Variants in UNC5B observed in about 807,000 individuals in gnomAD.
UNC5B encodes netrin receptor UNC5B.
A neutral mutation model predicts 103.7 loss-of-function variants in UNC5B; 56 were observed. The observed-to-expected ratio is 0.54, with a 90% CI of 0.44 to 0.67. The LOEUF is 0.67. UNC5B is among the 30% of genes least tolerant of loss of function. The pLI is 0.00. For missense variants in UNC5B, 1,194 were observed against 1,284.5 expected (o/e 0.93, Z 1.08); for synonymous variants, 577 against 542.0 (o/e 1.06, Z -0.90).
intron 1 of UNC5B, among the ~76,000 whole-genome samples, chr10:71,256,290 G>T (rs1395862389): frequency 6.6e-6 from 1 of 152,188 alleles, no homozygotes; most frequent in Admixed American, 6.5e-5. Context: ...CCTGGCCCCA[G>T]CTCCTCCAGG....
intron 1 of UNC5B, among the ~76,000 whole-genome samples, chr10:71,266,686 G>A (rs961762554): frequency 1.3e-5 from 2 of 152,184 alleles, no homozygotes; most frequent in South Asian, 2.1e-4. Context: ...TGTGGGGCTC[G>A]CCGGGACCCT....
At chr10:71,278,353 C>G (rs1459921128) in intron 1 of UNC5B, among the ~76,000 whole-genome samples, 1 of 152,178 alleles carries the variant, frequency 6.6e-6, no homozygotes, top group East Asian at 1.9e-4. Flanking sequence ...ACCTCTTGTG[C>G]TCATCAGACA....
chr10:71,267,100 C>T (rs1002781761), intron 1 of UNC5B, among the ~76,000 whole-genome samples: 1 of 152,162 alleles, frequency 6.6e-6, no homozygotes, highest in African/African-American at 2.4e-5. Context: ...GATACGGGGA[C>T]TCCTGTAATA....
At position 71,287,424 on chromosome 10, in the gene UNC5B, C is replaced by T. The variant is rs151211976; in HGVS notation, c.734-174C>T. On this transcript the variant is annotated intron_variant, in intron 5 of 16. Transcript: ENST00000335350. ...CTTCCCGGATCCCCTCTGGTGCTGA[C>T]GGTTACAGCCCAGCTCTATCTGCCA... Among the ~76,000 whole-genome samples the T allele has an allele frequency of 5.5e-3, 831 of 152,274 alleles. 5 individuals are homozygous for T. The highest frequency in any genetic ancestry group is 0.048 in the Middle Eastern group (14 of 294).
chr10:71,268,166 C>A (rs1320428595), intron 1 of UNC5B, among the ~76,000 whole-genome samples: 1 of 152,230 alleles, frequency 6.6e-6, no homozygotes, highest in Non-Finnish European at 1.5e-5. Flanking sequence ...TACCCAGTTC[C>A]AAGGACCCCT....
chr10:71,264,927 A>T (rs551345595), intron 1 of UNC5B, among the ~76,000 whole-genome samples: 2 of 146,402 alleles, frequency 1.4e-5, no homozygotes, highest in Non-Finnish European at 1.5e-5. Flanking sequence ...GGAGCCCAGG[A>T]GTTTGGGACC....
At chr10:71,292,814 AAAAGT>A (rs1436044159) in intron 11 of UNC5B, among the ~76,000 whole-genome samples, 2 of 152,370 alleles carry the variant, frequency 1.3e-5, no homozygotes, top group African/African-American at 2.4e-5. Flanking sequence ...ATCAATAAGA[AAAAGT>A]AAACATCTCA....
chr10:71,226,944 G>A (rs1843576384), intron 1 of UNC5B, among the ~76,000 whole-genome samples: 1 of 151,538 alleles, frequency 6.6e-6, no homozygotes, highest in South Asian at 2.1e-4. Context: ...TGAAATAATG[G>A]CATTCACAGC....
At chr10:71,217,498 G>C (rs895423003) in intron 1 of UNC5B, 2 of 152,196 alleles carry the variant, frequency 1.3e-5, no homozygotes, top group African/African-American at 4.8e-5. Flanking sequence ...CTCGGCCCCC[G>C]ACTGGGAGTT....
chr10:71,237,124 G>C (rs1843790036), intron 1 of UNC5B, among the ~76,000 whole-genome samples: 1 of 152,132 alleles, frequency 6.6e-6, no homozygotes, highest in Non-Finnish European at 1.5e-5. Flanking sequence ...TCCCAGGCTG[G>C]GTGTGGAATA....
chr10:71,279,057 G>A (rs879704707), intron 1 of UNC5B, among the ~76,000 whole-genome samples: 4 of 152,182 alleles, frequency 2.6e-5, no homozygotes, highest in Non-Finnish European at 5.9e-5. Context: ...TGTGGGAGGA[G>A]ACTGCCACAG....
At chr10:71,245,188 T>C (rs1317314100) in intron 1 of UNC5B, among the ~76,000 whole-genome samples, 1 of 152,206 alleles carries the variant, frequency 6.6e-6, no homozygotes, top group African/African-American at 2.4e-5. Flanking sequence ...GCTCTCTCCA[T>C]AACACCATCT....
chr10:71,225,268 CG>C (rs1198025154), intron 1 of UNC5B, among the ~76,000 whole-genome samples: 2 of 136,982 alleles, frequency 1.5e-5, no homozygotes, highest in African/African-American at 5.7e-5. Context: ...TCCAAACCCA[CG>C]GGGGTCGCTG....
rs576075211 is a variant in UNC5B at position 71,228,215 on chromosome 10, G to T, written c.79+15151G>T. ...CATACAGAGAGATGAACTCCAAGTGGATTTGGGATCTAGATGTAAACAATG... is the reference window on the plus strand; with the variant it reads ...CATACAGAGAGATGAACTCCAAGTGTATTTGGGATCTAGATGTAAACAATG... On this transcript the variant is annotated intron_variant, in intron 1 of 16. Coordinates refer to ENST00000335350, the MANE Select transcript of UNC5B (RefSeq NM_170744.5). Among the ~76,000 whole-genome samples the T allele has an allele frequency of 3.9e-5, 6 of 152,282 alleles. No homozygotes were observed. The South Asian group carries it at 1.2e-3, about 32-fold the overall frequency.
chr10:71,266,755 C>T (rs1252124754), intron 1 of UNC5B, among the ~76,000 whole-genome samples: 2 of 152,200 alleles, frequency 1.3e-5, no homozygotes, highest in Non-Finnish European at 2.9e-5. Flanking sequence ...ATATTCCCCC[C>T]TTACTCGAGG....
intron 4 of UNC5B, 38 bp from the exon 5 acceptor site, chr10:71,286,651 C>G (rs888857519): frequency 1.2e-6 from 2 of 1,611,166 alleles, no homozygotes; most frequent in Non-Finnish European, 1.7e-6. Context: ...TCAAACCTGT[C>G]CTGGGCCCTC....
At chr10:71,239,299 C>T (rs1164673011) in intron 1 of UNC5B, among the ~76,000 whole-genome samples, 2 of 152,128 alleles carry the variant, frequency 1.3e-5, no homozygotes, top group Non-Finnish European at 2.9e-5. Context: ...TATAAAGGAA[C>T]ATTAACAGAG....
At chr10:71,278,926 C>G (rs1441732439) in intron 1 of UNC5B, among the ~76,000 whole-genome samples, 1 of 152,242 alleles carries the variant, frequency 6.6e-6, no homozygotes. Flanking sequence ...AGGTCAATGG[C>G]CTGGTTTCCC....
intron 1 of UNC5B, among the ~76,000 whole-genome samples, chr10:71,264,970 A>AC (rs1453051686): frequency 4.2e-3 from 198 of 46,950 alleles, no homozygotes; most frequent in Middle Eastern, 0.01. Context: ...CCCTGTCTCT[A>AC]TAAAAAAAAA....
Sources: allele counts gnomAD v4.1 joint callset (sites outside exome capture counted in the v4.1 genomes callset), GRCh38; gene constraint gnomAD v4.1.1; transcripts MANE v1.5; gene names NCBI Gene and HGNC (gene_info 2026-07-23, HGNC 2026-07-21).